The following ADRA1A variants were observed in gnomAD, a reference collection of about 807,000 sequenced individuals.
ADRA1A encodes the protein alpha-1A adrenergic receptor.
Under a neutral mutation model 29.6 loss-of-function variants are expected in ADRA1A, and 31 were observed. That is an observed-to-expected ratio of 1.05 (90% confidence interval 0.79 to 1.41). The LOEUF is 1.41. Ranked by LOEUF, ADRA1A falls within the 40% of genes most tolerant of loss-of-function variation. The pLI is 0.00. For synonymous variants in ADRA1A, 311 were observed against 254.3 expected, an observed-to-expected ratio of 1.22 and a Z score of -2.12; for missense variants, 619 against 601.1, an observed-to-expected ratio of 1.03 and a Z score of -0.31.
At chr8:26,777,804 C>T (rs1326055335) in intron 2 of ADRA1A, among the ~76,000 whole-genome samples, 12 of 152,240 alleles carry the variant, frequency 7.9e-5, no homozygotes, top group African/African-American at 2.9e-4. Context: ...GAACCGGGCA[C>T]ACTGTGCTGG....
chr8:26,775,121 A>C lies in ADRA1A; in HGVS notation c.884-4455T>G, dbSNP rs984940236. Among the ~76,000 whole-genome samples the C allele has an allele frequency of 6.6e-6, 1 of 152,152 alleles. No homozygotes were observed. The highest frequency in any genetic ancestry group is 1.5e-5 in the Non-Finnish European group (1 of 68,030). On this transcript the variant is annotated intron_variant, in intron 2 of 2. Coordinates refer to ENST00000380573, the MANE Select transcript of ADRA1A (RefSeq NM_000680.4). This position sits in a 1 kb window ranked among gnomAD's most constrained non-coding sequence, Gnocchi z 4.1. The stretch of plus-strand genomic sequence containing the variant: ...GCTTTGCTCACTCACGGAGCTCCAG[A>C]ATCCAGTAAAATGCTAGAGTCTTGA...
At chr8:26,764,955 C>T (rs1382271615), downstream of ADRA1A, among the ~76,000 whole-genome samples, 1 of 152,132 alleles carries the variant, frequency 6.6e-6, no homozygotes, top group African/African-American at 2.4e-5. Flanking sequence ...CGTGGCTGCA[C>T]TGAATATGAT....
chr8:26,809,407 G>C (rs1297683925), intron 2 of ADRA1A, among the ~76,000 whole-genome samples: 1 of 152,076 alleles, frequency 6.6e-6, no homozygotes, highest in Non-Finnish European at 1.5e-5. Flanking sequence ...TTCCTCAGTA[G>C]AGGAAATGGA....
At chr8:26,847,904 C>T (rs1812331496) in intron 2 of ADRA1A, among the ~76,000 whole-genome samples, 2 of 152,234 alleles carry the variant, frequency 1.3e-5, no homozygotes, top group South Asian at 4.1e-4. Flanking sequence ...TCCCTGGCTG[C>T]TTCACCAGCG....
At chr8:26,858,905 C>T (rs1395096095) in intron 2 of ADRA1A, 2 of 402,290 alleles carry the variant, frequency 5.0e-6, no homozygotes, top group Non-Finnish European at 7.6e-6. Flanking sequence ...AGTCAGATTC[C>T]TCCCAACAGT....
chr8:26,793,056 C>T (rs889197305), intron 2 of ADRA1A, among the ~76,000 whole-genome samples: 34 of 151,446 alleles, frequency 2.2e-4, no homozygotes, highest in Non-Finnish European at 1.2e-4. Flanking sequence ...TAAACTGAGA[C>T]GGTAATATTA....
intron 2 of ADRA1A, among the ~76,000 whole-genome samples, chr8:26,772,474 A>G (rs761173543): frequency 6.6e-6 from 1 of 152,100 alleles, no homozygotes; most frequent in African/African-American, 2.4e-5. Context: ...CTTCGTGTAC[A>G]GTTGGTAGAA....
Position 26,866,028 on chromosome 8 carries a change from G to C in ADRA1A, c.-686-373C>G, listed in dbSNP as rs1040540961. ...CTGCGGCTGGCGAGTGTGTCGCACG[G>C]ATCCTAGCCGGGGAATTCTGGAGGA... On this transcript the variant is annotated intron_variant, in intron 1 of 2. Coordinates refer to ENST00000380573, the MANE Select transcript of ADRA1A (RefSeq NM_000680.4). The surrounding 1 kb of genome is among the most constrained non-coding windows in gnomAD (Gnocchi z 5.7). Among the ~76,000 whole-genome samples the C allele has an allele frequency of 1.3e-5, 2 of 152,214 alleles. No homozygotes were observed. The highest frequency in any genetic ancestry group is 2.9e-5 in the Non-Finnish European group (2 of 68,040).
intron 2 of ADRA1A, among the ~76,000 whole-genome samples, chr8:26,820,657 G>T (rs1563278987): frequency 6.6e-6 from 1 of 152,154 alleles, no homozygotes; most frequent in African/African-American, 2.4e-5. Context: ...GTGGGCACAT[G>T]CACCATATGC....
chr8:26,841,638 A>T lies in ADRA1A; in HGVS notation c.883+22449T>A, dbSNP rs1391928369. Among the ~76,000 whole-genome samples the T allele has an allele frequency of 6.6e-6, 1 of 152,084 alleles. No individual in the cohort carries two copies. On this transcript the variant is annotated intron_variant, in intron 2 of 2. Transcript: ENST00000380573. This position sits in a 1 kb window ranked among gnomAD's most constrained non-coding sequence, Gnocchi z 4.4. Reference sequence around the variant, plus strand: ...CACTTTTATTTCCACATCCTCCATGACAAGCCTCCTGTCCCTAACATTCAG... The same window carrying T: ...CACTTTTATTTCCACATCCTCCATGTCAAGCCTCCTGTCCCTAACATTCAG...
intron 2 of ADRA1A, among the ~76,000 whole-genome samples, chr8:26,822,540 A>T (rs1365685447): frequency 1.3e-5 from 2 of 152,224 alleles, no homozygotes; most frequent in African/African-American, 4.8e-5. Context: ...GATTACAATA[A>T]TCCTCACAAG....
At chr8:26,854,831 C>A (rs530931045) in intron 2 of ADRA1A, among the ~76,000 whole-genome samples, 2 of 152,230 alleles carry the variant, frequency 1.3e-5, no homozygotes, top group South Asian at 4.1e-4. Flanking sequence ...GCCCCACCCC[C>A]GAAATTCCTA....
intron 2 of ADRA1A, among the ~76,000 whole-genome samples, chr8:26,809,159 T>C (rs1384549193): frequency 6.6e-6 from 1 of 152,200 alleles, no homozygotes; most frequent in African/African-American, 2.4e-5. Context: ...TCCAATCTTA[T>C]CTCCCATTAT....
chr8:26,800,584 C>T (rs571020585), intron 2 of ADRA1A, among the ~76,000 whole-genome samples: 1 of 152,018 alleles, frequency 6.6e-6, no homozygotes, highest in Non-Finnish European at 1.5e-5. Context: ...AGACCAATAA[C>T]AAGTAATAAT....
At chr8:26,829,040 T>C (rs888161757) in intron 2 of ADRA1A, among the ~76,000 whole-genome samples, 3 of 152,204 alleles carry the variant, frequency 2.0e-5, no homozygotes, top group Non-Finnish European at 2.9e-5. Flanking sequence ...TGGTGTGTGA[T>C]AATTTTGTAA....
At chr8:26,846,482 T>A (rs1812207771) in intron 2 of ADRA1A, among the ~76,000 whole-genome samples, 1 of 152,042 alleles carries the variant, frequency 6.6e-6, no homozygotes, top group Admixed American at 6.6e-5. Context: ...CAGAAAGAGA[T>A]CTTGGGCCAG....
chr8:26,794,538 A>G (rs1353723117), intron 2 of ADRA1A, among the ~76,000 whole-genome samples: 2 of 152,098 alleles, frequency 1.3e-5, no homozygotes, highest in South Asian at 2.1e-4. Flanking sequence ...TAGGTAAATG[A>G]ATGTGTGTGA....
intron 2 of ADRA1A, among the ~76,000 whole-genome samples, chr8:26,814,759 T>C (rs1218330671): frequency 6.6e-6 from 1 of 152,232 alleles, no homozygotes; most frequent in Admixed American, 6.5e-5. Context: ...TACTTTAGGA[T>C]GGTGGAATTT....
chr8:26,804,060 C>G (rs1030001567), intron 2 of ADRA1A, among the ~76,000 whole-genome samples: 2 of 151,300 alleles, frequency 1.3e-5, no homozygotes, highest in East Asian at 3.9e-4. Flanking sequence ...TAGCTGAGGC[C>G]GCAGGTGTGT....
Sources: allele counts gnomAD v4.1 joint callset (sites outside exome capture counted in the v4.1 genomes callset), GRCh38; gene constraint gnomAD v4.1.1; non-coding constraint Gnocchi (gnomAD v3.1); transcripts MANE v1.5; gene names NCBI Gene and HGNC (gene_info 2026-07-23, HGNC 2026-07-21).